NRG3: variants seen among roughly 807,000 people sequenced by gnomAD.
The protein encoded by NRG3 is pro-neuregulin-3, membrane-bound isoform.
In NRG3, 31 loss-of-function variants were observed where a neutral mutation model predicts 66.9. That is an observed-to-expected ratio of 0.46 (90% CI 0.35 to 0.63). NRG3 has a LOEUF of 0.63. Among genes scored for constraint, NRG3 ranks in the 20% least tolerant of loss-of-function variants. The probability of loss-of-function intolerance (pLI) is 0.00; values close to 1 mark genes in which losing one functional copy is unlikely to be tolerated. For synonymous variants in NRG3, 393 were observed against 359.4 expected (o/e 1.09, Z -1.06); for missense variants, 910 against 878.9 (o/e 1.04, Z -0.45).
intron 1 of NRG3, among the ~76,000 whole-genome samples, chr10:81,981,624 A>T (rs2060335416): frequency 6.6e-6 from 1 of 152,196 alleles, no homozygotes; most frequent in South Asian, 2.1e-4. Context: ...TGAAATCAAG[A>T]AAGAGACAGC....
At chr10:82,407,650 GTTA>G (rs1368633560) in intron 2 of NRG3, among the ~76,000 whole-genome samples, 1 of 152,170 alleles carries the variant, frequency 6.6e-6, no homozygotes, top group Non-Finnish European at 1.5e-5. Context: ...GCTGATCACT[GTTA>G]TTTTGCTTTT....
At chr10:82,044,748 G>C (rs1268589295) in intron 1 of NRG3, among the ~76,000 whole-genome samples, 1 of 151,854 alleles carries the variant, frequency 6.6e-6, no homozygotes, top group Non-Finnish European at 1.5e-5. Flanking sequence ...CACAGAGTGT[G>C]ATGTTCCCCT....
At chr10:82,547,936 CT>C (rs965989313) in intron 2 of NRG3, among the ~76,000 whole-genome samples, 4 of 151,286 alleles carry the variant, frequency 2.6e-5, no homozygotes, top group African/African-American at 7.3e-5. Flanking sequence ...GAAAGATAGA[CT>C]TATTTTCAAA....
intron 2 of NRG3, among the ~76,000 whole-genome samples, chr10:82,692,444 G>A (rs1196452446): frequency 6.6e-6 from 1 of 152,136 alleles, no homozygotes; most frequent in Non-Finnish European, 1.5e-5. Flanking sequence ...GCTAATCTGG[G>A]TTCTTGTCTC....
chr10:82,009,726 A>G (rs1449910485), intron 1 of NRG3, among the ~76,000 whole-genome samples: 1 of 152,192 alleles, frequency 6.6e-6, no homozygotes, highest in Non-Finnish European at 1.5e-5. Context: ...CTAGGGGACA[A>G]TAATGGACAC....
chr10:82,762,861 T>C (rs2059382783), intron 3 of NRG3, among the ~76,000 whole-genome samples: 1 of 152,198 alleles, frequency 6.6e-6, no homozygotes, highest in South Asian at 2.1e-4. Flanking sequence ...ATGGTGATGA[T>C]ATTAAGAGTC....
intron 1 of NRG3, among the ~76,000 whole-genome samples, chr10:82,329,717 C>T (rs2082049566): frequency 6.6e-6 from 1 of 152,102 alleles, no homozygotes; most frequent in East Asian, 1.9e-4. Flanking sequence ...GTCTCCAAAC[C>T]AAATGTCTAA....
chr10:82,124,854 C>A (rs1323049769), intron 1 of NRG3, among the ~76,000 whole-genome samples: 4 of 151,850 alleles, frequency 2.6e-5, no homozygotes, highest in Non-Finnish European at 5.9e-5. Flanking sequence ...ATTTACTTGA[C>A]ACAGCAAAAC....
At chr10:82,817,356 C>G (rs1387680619) in intron 3 of NRG3, among the ~76,000 whole-genome samples, 2 of 152,216 alleles carry the variant, frequency 1.3e-5, no homozygotes, top group Non-Finnish European at 2.9e-5. Context: ...GGTGCCTGAG[C>G]TAGGACTACA....
At chr10:82,290,922 C>T (rs184226242) in intron 1 of NRG3, among the ~76,000 whole-genome samples, 15 of 151,974 alleles carry the variant, frequency 9.9e-5, no homozygotes, top group Non-Finnish European at 1.8e-4. Context: ...GGATTACAGG[C>T]GTGAGCCACC....
intron 1 of NRG3, among the ~76,000 whole-genome samples, chr10:82,197,653 T>A (rs1349825444): frequency 6.6e-6 from 1 of 152,150 alleles, no homozygotes; most frequent in Admixed American, 6.5e-5. Flanking sequence ...TTTGTGTATC[T>A]TATCCTAGAT....
intron 2 of NRG3, among the ~76,000 whole-genome samples, chr10:82,570,294 C>T (rs1257438740): frequency 6.6e-6 from 1 of 151,708 alleles, no homozygotes; most frequent in Non-Finnish European, 1.5e-5. Flanking sequence ...GCATCTACTT[C>T]TGTAGCCTCA....
chr10:82,658,391 C>T (rs2052040801), intron 2 of NRG3, among the ~76,000 whole-genome samples: 1 of 152,090 alleles, frequency 6.6e-6, no homozygotes. Flanking sequence ...GTAGGAATGG[C>T]AGACAACTTT....
intron 1 of NRG3, among the ~76,000 whole-genome samples, chr10:82,129,268 A>G (rs899600114): frequency 5.3e-5 from 8 of 149,922 alleles, no homozygotes; most frequent in Admixed American, 2.0e-4. Context: ...TGTAAAAACC[A>G]CAATACTACA....
intron 2 of NRG3, among the ~76,000 whole-genome samples, chr10:82,611,984 A>G (rs1263941713): frequency 2.0e-5 from 3 of 152,046 alleles, no homozygotes; most frequent in African/African-American, 4.8e-5. Flanking sequence ...ATGGTATCTC[A>G]TTGTGGTTTT....
chr10:82,591,617 C>T (rs1323447329), intron 2 of NRG3, among the ~76,000 whole-genome samples: 4 of 152,116 alleles, frequency 2.6e-5, no homozygotes, highest in South Asian at 2.1e-4. Context: ...TGAACCCTTG[C>T]GTCAACACTG....
intron 1 of NRG3, among the ~76,000 whole-genome samples, chr10:82,026,517 T>C (rs1307225780): frequency 6.6e-6 from 1 of 152,006 alleles, no homozygotes; most frequent in Non-Finnish European, 1.5e-5. Flanking sequence ...AGAGCCAAAT[T>C]TGATTCTTAA....
intron 1 of NRG3, among the ~76,000 whole-genome samples, chr10:81,999,854 T>C (rs986709971): frequency 2.0e-5 from 3 of 152,206 alleles, no homozygotes; most frequent in African/African-American, 7.2e-5. Flanking sequence ...TAGTGGGAGC[T>C]GAGACACAGG....
chr10:81,984,791 A>C (rs906575668), intron 1 of NRG3, among the ~76,000 whole-genome samples: 7 of 152,340 alleles, frequency 4.6e-5, no homozygotes, highest in African/African-American at 1.7e-4. Context: ...AGCCTGTTTT[A>C]TTACTATACA....
Sources: gnomAD v4.1 joint callset for allele counts (sites outside exome capture counted in the v4.1 genomes callset) on GRCh38, gnomAD v4.1.1 for gene constraint, MANE v1.5 for transcripts, NCBI Gene and HGNC (gene_info 2026-07-23, HGNC 2026-07-21) for gene names.